HDAC9: variants seen among roughly 807,000 people sequenced by gnomAD.
The protein encoded by HDAC9 is histone deacetylase 9.
In HDAC9, 41 loss-of-function variants were observed where a neutral mutation model predicts 139.4. That is an observed-to-expected ratio of 0.29 (90% confidence interval 0.23 to 0.38). HDAC9 has a LOEUF of 0.38. Among genes scored for constraint, HDAC9 ranks in the 10% least tolerant of loss-of-function variants. The probability of loss-of-function intolerance (pLI) is 1.00; values close to 1 mark genes in which losing one functional copy is unlikely to be tolerated. For missense variants in HDAC9, 1,147 were observed against 1,297.0 expected (o/e 0.88, Z 1.78); for synonymous variants, 517 against 476.2 (o/e 1.09, Z -1.12).
intron 1 of HDAC9, among the ~76,000 whole-genome samples, chr7:18,367,554 TC>T (rs1784282908): frequency 6.6e-6 from 1 of 152,150 alleles, no homozygotes; most frequent in South Asian, 2.1e-4. Context: ...TAATATTTCT[TC>T]CTTGAATAAA....
At chr7:18,490,620 C>T (rs1019412418) in intron 1 of HDAC9, among the ~76,000 whole-genome samples, 10 of 151,906 alleles carry the variant, frequency 6.6e-5, no homozygotes, top group African/African-American at 2.4e-4. Context: ...ATCCCTTATT[C>T]ACATAGAATT....
intron 1 of HDAC9, among the ~76,000 whole-genome samples, chr7:18,433,238 C>T (rs1202430632): frequency 6.6e-6 from 1 of 152,120 alleles, no homozygotes; most frequent in Non-Finnish European, 1.5e-5. Context: ...ATTGAAGGAA[C>T]ATACCTCAAA....
intron 1 of HDAC9, among the ~76,000 whole-genome samples, chr7:18,379,309 C>T (rs1445406571): frequency 2.6e-5 from 4 of 152,160 alleles, no homozygotes; most frequent in African/African-American, 4.8e-5. Flanking sequence ...GAAGTTCTGT[C>T]AGTAGAGAAA....
intron 11 of HDAC9, among the ~76,000 whole-genome samples, chr7:18,652,792 G>A (rs1037912239): frequency 6.6e-6 from 1 of 152,042 alleles, no homozygotes; most frequent in Admixed American, 6.6e-5. Context: ...TTGTTTAGTA[G>A]TTACTTTAAT....
intron 1 of HDAC9, among the ~76,000 whole-genome samples, chr7:18,354,463 G>T (rs184486663): frequency 8.5e-5 from 13 of 152,208 alleles, no homozygotes; most frequent in Admixed American, 8.5e-4. Flanking sequence ...AGAATTAATC[G>T]CAACTAATGT....
chr7:18,889,147 C>T (rs990461737), intron 22 of HDAC9, among the ~76,000 whole-genome samples: 3 of 152,166 alleles, frequency 2.0e-5, no homozygotes, highest in African/African-American at 7.2e-5. Flanking sequence ...TATTCTGCAG[C>T]CTGGAAAATC....
chr7:18,555,423 T>C (rs1367925095), intron 2 of HDAC9, among the ~76,000 whole-genome samples: 1 of 152,164 alleles, frequency 6.6e-6, no homozygotes, highest in East Asian at 1.9e-4. Context: ...TAATGGATAA[T>C]TTTGGGACAA....
chr7:18,911,022 G>A (rs1008940155), intron 22 of HDAC9, among the ~76,000 whole-genome samples: 1 of 151,650 alleles, frequency 6.6e-6, no homozygotes, highest in African/African-American at 2.4e-5. Context: ...GAGAAGACTT[G>A]GTGTTATTTA....
intron 6 of HDAC9, among the ~76,000 whole-genome samples, chr7:18,602,820 T>C (rs1396771296): frequency 3.3e-5 from 5 of 152,122 alleles, no homozygotes; most frequent in Non-Finnish European, 7.4e-5. Context: ...GAGAAAATAC[T>C]GTGTACACAT....
rs188845317 is a variant in HDAC9 at position 18,462,742 on chromosome 7, C to T, written c.-41-33520C>T. On this transcript the variant is annotated intron_variant, in intron 1 of 3. Transcript: ENST00000413509. ...GATTTTTACTGCTGTATAATATCTA[C>T]TCCATGACTGTGAATATATATGACA... 5.3e-5 allele frequency among the ~76,000 whole-genome samples: 8 copies of T among 152,068 alleles called. No homozygotes were observed. In the East Asian group the frequency reaches 1.5e-3, roughly 29 times the overall value.
At position 18,600,818 on chromosome 7, in the gene HDAC9, A is replaced by ATTTTG. The variant is rs368147003; in HGVS notation, c.664+6810_664+6814dup. Among the ~76,000 whole-genome samples, 749 of 152,054 alleles carry ATTTTG rather than the reference A, an allele frequency of 4.9e-3. 3 individuals are homozygous for ATTTTG. Among genetic ancestry groups the ATTTTG allele is most frequent in the African/African-American group, 0.017 (697 of 41,470 alleles). On this transcript the variant is annotated intron_variant, in intron 6 of 25. Coordinates refer to ENST00000686413, the MANE Select transcript of HDAC9 (RefSeq NM_178425.4). ...AATAACCACCAAATAACTTACTGGA[A>ATTTTG]TTTTGTTTTGTTTTGTTTTGTTTTG...
intron 16 of HDAC9, among the ~76,000 whole-genome samples, chr7:18,792,117 G>C (rs185109383): frequency 6.6e-6 from 1 of 151,752 alleles, no homozygotes; most frequent in Non-Finnish European, 1.5e-5. Flanking sequence ...CATTGTTCTT[G>C]GTAGTATTTA....
intron 1 of HDAC9, among the ~76,000 whole-genome samples, chr7:18,107,962 T>G (rs539227585): frequency 1.3e-5 from 2 of 152,366 alleles, no homozygotes; most frequent in East Asian, 3.9e-4. Flanking sequence ...ATCAGATTCT[T>G]AGACAAAGAT....
intron 22 of HDAC9, among the ~76,000 whole-genome samples, chr7:18,880,079 A>G (rs1329477367): frequency 6.6e-6 from 1 of 152,214 alleles, no homozygotes; most frequent in Non-Finnish European, 1.5e-5. Context: ...ACTGATCATT[A>G]GAGAAATGCG....
chr7:18,888,141 G>A (rs1252124259), intron 22 of HDAC9, among the ~76,000 whole-genome samples: 1 of 152,052 alleles, frequency 6.6e-6, no homozygotes, highest in East Asian at 1.9e-4. Flanking sequence ...CTTTCACTGG[G>A]CCGGGTGCGG....
chr7:18,567,761 C>G (rs1410041950), intron 2 of HDAC9, among the ~76,000 whole-genome samples: 1 of 152,024 alleles, frequency 6.6e-6, no homozygotes, highest in African/African-American at 2.4e-5. Context: ...AGTGGTTTGA[C>G]TACAGATCTA....
intron 11 of HDAC9, among the ~76,000 whole-genome samples, chr7:18,659,632 GAGAC>G (rs1338853293): frequency 1.3e-5 from 2 of 152,100 alleles, no homozygotes; most frequent in Admixed American, 1.3e-4. Context: ...AGAGAATAGA[GAGAC>G]AGCCTGACAG....
At chr7:18,397,196 G>C (rs867445270) in intron 1 of HDAC9, among the ~76,000 whole-genome samples, 1 of 152,010 alleles carries the variant, frequency 6.6e-6, no homozygotes, top group East Asian at 1.9e-4. Flanking sequence ...GAGAGAATAC[G>C]GGGGCAGAAG....
At chr7:18,408,306 G>A (rs186031832) in intron 1 of HDAC9, among the ~76,000 whole-genome samples, 124 of 152,180 alleles carry the variant, frequency 8.1e-4, no homozygotes, top group African/African-American at 2.8e-3. Flanking sequence ...AGTTATAGAA[G>A]GCACTCAATG....
Sources: allele counts gnomAD v4.1 joint callset (sites outside exome capture counted in the v4.1 genomes callset), GRCh38; gene constraint gnomAD v4.1.1; transcripts MANE v1.5; gene names NCBI Gene and HGNC (gene_info 2026-07-23, HGNC 2026-07-21).